SYT16: variants seen among roughly 807,000 people sequenced by gnomAD.
The protein encoded by SYT16 is synaptotagmin 16.
A neutral mutation model predicts 61.4 loss-of-function variants in SYT16; 42 were observed. That is an observed-to-expected ratio of 0.68 (90% CI 0.53 to 0.89). The LOEUF (loss-of-function observed/expected upper bound fraction) is 0.89, where lower values mean the gene tolerates loss of function less well. SYT16 is among the 40% of genes least tolerant of loss of function. The probability of loss-of-function intolerance (pLI) is 0.00; values close to 1 mark genes in which losing one functional copy is unlikely to be tolerated. For synonymous variants in SYT16, 314 were observed against 302.3 expected (o/e 1.04, Z -0.40); for missense variants, 804 against 807.3 (o/e 1.00, Z 0.05).
At chr14:61,834,419 C>T (rs940104602) in intron 1 of SYT16, among the ~76,000 whole-genome samples, 4 of 143,772 alleles carry the variant, frequency 2.8e-5, no homozygotes, top group Middle Eastern at 3.9e-3. Context: ...CATGAGCCAC[C>T]GTGCCTGGCT....
intron 1 of SYT16, among the ~76,000 whole-genome samples, chr14:61,827,109 G>T (rs377367389): frequency 6.6e-6 from 1 of 150,806 alleles, no homozygotes; most frequent in Non-Finnish European, 1.5e-5. Context: ...TGAATTTTGG[G>T]GAACATAATT....
intron 7 of SYT16, among the ~76,000 whole-genome samples, chr14:62,086,272 G>A (rs1031339884): frequency 1.3e-5 from 2 of 152,030 alleles, no homozygotes; most frequent in Non-Finnish European, 2.9e-5. Context: ...TCAGGCCAGG[G>A]GTTTGAGACC....
chr14:61,836,425 A>G (rs1230690003), intron 1 of SYT16, among the ~76,000 whole-genome samples: 4 of 152,212 alleles, frequency 2.6e-5, no homozygotes, highest in Admixed American at 6.5e-5. Flanking sequence ...TAGAAAACCA[A>G]TTGATGGTTT....
intron 5 of SYT16, among the ~76,000 whole-genome samples, chr14:62,078,613 G>A (rs1230772342): frequency 1.3e-5 from 2 of 152,202 alleles, no homozygotes; most frequent in Admixed American, 1.3e-4. Context: ...GAAGAAGGGA[G>A]GTCAAGTGTG....
At chr14:61,898,308 AAG>A (rs2048396555) in intron 1 of SYT16, among the ~76,000 whole-genome samples, 1 of 152,212 alleles carries the variant, frequency 6.6e-6, no homozygotes. Context: ...TAACCAGGAA[AAG>A]AGAGAAGAGA....
intron 1 of SYT16, among the ~76,000 whole-genome samples, chr14:61,884,921 T>C (rs1161356069): frequency 3.3e-5 from 5 of 152,158 alleles, no homozygotes; most frequent in Non-Finnish European, 7.4e-5. Flanking sequence ...TGGGACCCAC[T>C]AAAAACCAGA....
chr14:61,861,394 C>G (rs2046957925), intron 1 of SYT16, among the ~76,000 whole-genome samples: 1 of 152,084 alleles, frequency 6.6e-6, no homozygotes, highest in South Asian at 2.1e-4. Flanking sequence ...TCACAGATGC[C>G]TTTTACTTTC....
Position 61,877,649 on chromosome 14 carries a change from A to G in SYT16, c.-325+64839A>G, listed in dbSNP as rs183941439. 5.5e-4 allele frequency among the ~76,000 whole-genome samples: 83 copies of G among 152,288 alleles called. No homozygotes were observed. The East Asian group carries it at 0.014, about 25-fold the overall frequency. On this transcript the variant is annotated intron_variant, in intron 1 of 7. Coordinates refer to ENST00000683842, the MANE Select transcript of SYT16 (RefSeq NM_001367656.1). The stretch of plus-strand genomic sequence containing the variant: ...AGGCTGGGCATAGAAACGCTTAAGC[A>G]TGGAGTTCCTGGGTGTCCTCATTTC...
At position 62,103,865 on chromosome 14, in the gene SYT16, C is replaced by T. The variant is rs560806817; in HGVS notation, c.*3158C>T. ...ATTGCATAGTCATTCGCTTTAGGCA[C>T]TATTAATTCTGACATCCTTCATTGA... On this transcript the variant is annotated 3_prime_UTR_variant, in exon 8 of 8. Transcript: ENST00000683842. 2.4e-4 allele frequency: 37 copies of T among 152,314 alleles called. No individual in the cohort carries two copies. Among genetic ancestry groups the T allele is most frequent in the African/African-American group, 8.7e-4 (36 of 41,570 alleles). The allele number at this position is 152,314 out of a possible 1,614,324, so 9.4% of individuals were successfully genotyped here.
At chr14:61,897,580 A>G (rs1307295270) in intron 1 of SYT16, among the ~76,000 whole-genome samples, 2 of 152,154 alleles carry the variant, frequency 1.3e-5, no homozygotes, top group South Asian at 2.1e-4. Context: ...AATGGCTTTT[A>G]TGAAGCCATC....
At chr14:62,034,470 G>T (rs754289577) in intron 3 of SYT16, among the ~76,000 whole-genome samples, 5 of 152,150 alleles carry the variant, frequency 3.3e-5, no homozygotes, top group Non-Finnish European at 4.4e-5. Context: ...ATCAACTGAT[G>T]AATGCATCAA....
chr14:61,888,482 T>C (rs2048000233), intron 1 of SYT16, among the ~76,000 whole-genome samples: 1 of 152,114 alleles, frequency 6.6e-6, no homozygotes, highest in Non-Finnish European at 1.5e-5. Flanking sequence ...AAGGGAGAGA[T>C]GTGGGGGAAT....
chr14:62,073,141 T>C (rs1222523004), intron 4 of SYT16, among the ~76,000 whole-genome samples: 1 of 152,230 alleles, frequency 6.6e-6, no homozygotes, highest in Non-Finnish European at 1.5e-5. Flanking sequence ...TGGAAAATGG[T>C]TTGTTACATT....
intron 1 of SYT16, chr14:61,897,449 T>G (rs2048364112): frequency 6.6e-6 from 1 of 152,206 alleles, no homozygotes; most frequent in Non-Finnish European, 1.5e-5. Flanking sequence ...TGGTGCTGTG[T>G]CAGCTCCACC....
chr14:61,898,935 T>C (rs747369199), intron 1 of SYT16, among the ~76,000 whole-genome samples: 1 of 152,210 alleles, frequency 6.6e-6, no homozygotes, highest in Non-Finnish European at 1.5e-5. Context: ...TAATTGAGTT[T>C]TATTTTTCAT....
intron 7 of SYT16, among the ~76,000 whole-genome samples, chr14:62,091,615 A>T (rs565262496): frequency 2.2e-4 from 34 of 152,330 alleles, no homozygotes; most frequent in African/African-American, 8.2e-4. Context: ...AGGATAGTCT[A>T]TTCAACCAAT....
In SYT16 at chr14:61,952,770, C is replaced by CT. The variant is rs529369095; in HGVS notation, c.-324-17355dup. Among the ~76,000 whole-genome samples the CT allele has an allele frequency of 1.1e-3, 174 of 152,280 alleles. 1 individual carries two copies. The highest frequency in any genetic ancestry group is 3.8e-3 in the African/African-American group (159 of 41,566). ...ATCTCACTTAGGTTTCATTAAGCCA[C>CT]TTTTTTTCCTATTTTTTGAAAGGTC... On this transcript the variant is annotated intron_variant, in intron 1 of 7. Coordinates refer to ENST00000683842, the MANE Select transcript of SYT16 (RefSeq NM_001367656.1).
intron 3 of SYT16, among the ~76,000 whole-genome samples, chr14:62,018,244 C>T (rs560906622): frequency 1.3e-5 from 2 of 150,808 alleles, no homozygotes; most frequent in East Asian, 1.9e-4. Context: ...TCTCTTTGCT[C>T]ACTCTGATTC....
chr14:61,884,711 C>T (rs1028033580), intron 1 of SYT16, among the ~76,000 whole-genome samples: 1 of 152,186 alleles, frequency 6.6e-6, no homozygotes, highest in African/African-American at 2.4e-5. Flanking sequence ...GTTCATTATG[C>T]CTAAGAAGCT....
Sources: allele counts gnomAD v4.1 joint callset (sites outside exome capture counted in the v4.1 genomes callset), GRCh38; gene constraint gnomAD v4.1.1; transcripts MANE v1.5; gene names NCBI Gene and HGNC (gene_info 2026-07-23, HGNC 2026-07-21).